Variants in DIDO1 observed in about 807,000 individuals in gnomAD.
DIDO1 encodes death inducer-obliterator 1, also known as death-inducer obliterator 1.
A neutral mutation model predicts 99.4 loss-of-function variants in DIDO1; 16 were observed. The observed-to-expected ratio is 0.16, with a 90% CI of 0.11 to 0.24. The LOEUF (loss-of-function observed/expected upper bound fraction) is 0.24. Among genes scored for constraint, DIDO1 ranks in the 10% least tolerant of loss-of-function variants. The pLI is 1.00. For synonymous variants in DIDO1, 1,366 were observed against 1,239.1 expected (o/e 1.10, Z -2.15); for missense variants, 2,996 against 3,014.0 (o/e 0.99, Z 0.14).
chr20:62,884,815 C>G (rs1458730609), intron 15 of DIDO1, among the ~76,000 whole-genome samples: 1 of 152,188 alleles, frequency 6.6e-6, no homozygotes, highest in African/African-American at 2.4e-5. Context: ...CTCCTCTTCA[C>G]TCTCTGTCCC....
intron 6 of DIDO1, among the ~76,000 whole-genome samples, chr20:62,898,620 T>TC (rs2064590275): frequency 6.6e-6 from 1 of 152,200 alleles, no homozygotes; most frequent in South Asian, 2.1e-4. Flanking sequence ...GGCCGGCCCC[T>TC]GCCTACCCCT....
rs540125630 is a variant in DIDO1, at chr20:62,894,380, G to C, written c.2572+33C>G. 6 of 1,600,958 alleles carry C rather than the reference G, an allele frequency of 3.7e-6. No homozygotes were observed. The highest frequency in any genetic ancestry group is 5.1e-6 in the Non-Finnish European group (6 of 1,174,692). On this transcript the variant is annotated intron_variant, in intron 11 of 15. Coordinates refer to ENST00000395343, the MANE Select transcript of DIDO1 (RefSeq NM_001193369.2). The surrounding 1 kb of genome is among the most constrained non-coding windows in gnomAD (Gnocchi z 4.4). ...TTTAACAAAATCAAGTTTAGTCTCA[G>C]CTCCAAGGCTCCATCCCCTGCACTG...
chr20:62,902,993 ATT>A (rs2064717313), intron 6 of DIDO1, among the ~76,000 whole-genome samples: 1 of 152,192 alleles, frequency 6.6e-6, no homozygotes, highest in Admixed American at 6.5e-5. Flanking sequence ...TCAGAAAAAC[ATT>A]TCCAACTGAC....
chr20:62,923,514 G>C (rs2065195325), intron 1 of DIDO1, among the ~76,000 whole-genome samples: 1 of 152,094 alleles, frequency 6.6e-6, no homozygotes, highest in African/African-American at 2.4e-5. Context: ...ATGCACAGCC[G>C]TGAGAAAAAC....
chr20:62,919,178 T>C (rs1384562797), intron 1 of DIDO1, among the ~76,000 whole-genome samples: 3 of 152,204 alleles, frequency 2.0e-5, no homozygotes, highest in Non-Finnish European at 2.9e-5. Flanking sequence ...TCTGACTCAA[T>C]TGCATAGATT....
At chr20:62,908,796 C>T (rs1201595814) in intron 4 of DIDO1, among the ~76,000 whole-genome samples, 1 of 152,178 alleles carries the variant, frequency 6.6e-6, no homozygotes, top group Non-Finnish European at 1.5e-5. Flanking sequence ...GAGATCGAGG[C>T]TGCAGTGAGC....
Position 62,909,733 on chromosome 20 carries a change from G to A in DIDO1, c.1127C>T (p.Pro376Leu). The part of the protein sequence containing the change: ...IKGRIEKAAN[P>L]SGKKKLKIFQ... ...GATCTTGAGTTTCTTCTTGCCACTT[G>A]GATTTGCAGCTTTCTCAATTCTACC... Residue 376 changes from proline (P) to leucine (L), a missense_variant, in exon 4 of 16, where the codon CCA (proline) becomes CTA (leucine). By Grantham distance (98) the Pro-to-Leu change is moderately conservative. Coordinates refer to ENST00000395343, the MANE Select transcript of DIDO1 (RefSeq NM_001193369.2). 6.2e-7 allele frequency: 1 copy of A among 1,613,832 alleles called. No individual in the cohort carries two copies. The highest frequency in any genetic ancestry group is 8.5e-7 in the Non-Finnish European group (1 of 1,179,732).
Position 62,895,056 on chromosome 20 carries a change from G to A in DIDO1, c.2324C>T (p.Ala775Val), listed in dbSNP as rs566821138. The stretch of plus-strand genomic sequence containing the variant: ...GTACCCCTCAGCACTCACAGATCTC[G>A]CTGGCCTCTCTTTCCACGTGGAAAG... ...KELSTWKERP[A>V]RSVMESRTKL... The change falls in exon 9 of 16, where the codon GCG (alanine) becomes GTG (valine). Residue 775 changes from alanine to valine, a missense_variant. Coordinates refer to ENST00000395343, the MANE Select transcript of DIDO1 (RefSeq NM_001193369.2). 19 of 1,606,638 alleles carry A rather than the reference G, an allele frequency of 1.2e-5. No homozygotes were observed. The highest frequency in any genetic ancestry group is 5.5e-5 in the South Asian group (5 of 90,974).
In DIDO1 at chr20:62,894,750, CA is replaced by C. The variant is rs142405262; in HGVS notation, c.2436+59del. 670 of 1,548,288 alleles carry C rather than the reference CA, an allele frequency of 4.3e-4. 2 individuals carry two copies. In the African/African-American group the frequency reaches 8.1e-3, roughly 19 times the overall value. ...CCTGCCCAATAATTTAAGATAACCT[CA>C]AAACATTTGGGATGGATTAGTCTAT... is the stretch of plus-strand genomic sequence containing the variant. On this transcript the variant is annotated intron_variant, in intron 10 of 15. Coordinates refer to ENST00000395343, the MANE Select transcript of DIDO1 (RefSeq NM_001193369.2). The surrounding 1 kb of genome is among the most constrained non-coding windows in gnomAD (Gnocchi z 4.4).
chr20:62,905,641 G>C, intron 6 of DIDO1: 2 of 1,564,304 alleles, frequency 1.3e-6, no homozygotes, highest in Non-Finnish European at 1.7e-6. Context: ...AATCATTAAG[G>C]TGAACGTTCA....
chr20:62,892,949 G>C lies in DIDO1; in HGVS notation c.3115C>G (p.Arg1039Gly), dbSNP rs143733192. Residue 1039 changes from arginine (R) to glycine (G), a missense_variant, in exon 13 of 16, where the codon CGT becomes GGT. Physicochemically the swap from Arg to Gly is moderately radical, Grantham distance 125 (BLOSUM62 -2). Transcript: ENST00000395343. The stretch of plus-strand genomic sequence containing the variant: ...GTCGTGTCTCCCTCTGGAGGGGAAC[G>C]TGATTCTGAAGTGCTGTAAAACAAA... ...PSPNISTSES[R>G]SPPEGDTTLF... 18 of 1,612,248 alleles carry C rather than the reference G, an allele frequency of 1.1e-5. No individual in the cohort carries two copies. In the South Asian group the frequency reaches 2.0e-4, roughly 18 times the overall value.
rs1340843375 is a variant in DIDO1 at position 62,895,802 on chromosome 20, G to T, written c.2214+431C>A. Among the ~76,000 whole-genome samples the T allele has an allele frequency of 2.6e-5, 4 of 152,286 alleles. No homozygotes were observed. The South Asian group carries it at 6.2e-4, about 24-fold the overall frequency. On this transcript the variant is annotated intron_variant, in intron 8 of 15. Coordinates refer to ENST00000395343, the MANE Select transcript of DIDO1 (RefSeq NM_001193369.2). ...CCTGCTCCAAGTGGTGAGAACTCAA[G>T]CAGCCCAAACCATCAGGCTCACTCG...
In DIDO1 at chr20:62,879,180, C is replaced by G. The variant is rs967680441; in HGVS notation, c.*53G>C. 5.0e-6 allele frequency: 7 copies of G among 1,407,362 alleles called. No individual in the cohort carries two copies. The highest frequency in any genetic ancestry group is 6.5e-6 in the Non-Finnish European group (7 of 1,080,168). 87.2% of individuals were successfully genotyped at this position (1,407,362 alleles called of 1,614,324 possible). ...GTGGCTATTTCAAAAGCTATTTGTT[C>G]AACGCATCTTACGAACGTGGCTTTA... On this transcript the variant is annotated 3_prime_UTR_variant, in exon 16 of 16. Transcript: ENST00000395343. This position sits in a 1 kb window ranked among gnomAD's most constrained non-coding sequence, Gnocchi z 6.3.
At chr20:62,924,826 T>C (rs73619440) in intron 1 of DIDO1, among the ~76,000 whole-genome samples, 31,004 of 152,070 alleles carry the variant, frequency 0.2, 3,408 homozygotes, top group East Asian at 0.33. Flanking sequence ...TGAGCTCTGC[T>C]TGACATAGTC....
chr20:62,907,965 C>T lies in DIDO1; in HGVS notation c.1162-606G>A, dbSNP rs117806346. Among the ~76,000 whole-genome samples the T allele has an allele frequency of 3.1e-3, 471 of 152,230 alleles. 10 individuals are homozygous for T. The East Asian group carries it at 0.052, about 17-fold the overall frequency. The stretch of plus-strand genomic sequence containing the variant: ...AATTTTTCAGTGTAAGTATGCCCCC[C>T]AAATTGCATGAAACATACTTTTTTT... On this transcript the variant is annotated intron_variant, in intron 4 of 15. Transcript: ENST00000395343.
chr20:62,908,046 C>CATAG (rs1341804067), intron 4 of DIDO1, among the ~76,000 whole-genome samples: 1 of 152,054 alleles, frequency 6.6e-6, no homozygotes, highest in African/African-American at 2.4e-5. Context: ...GTGGCACAAT[C>CATAG]ATAGCTCACT....
rs777152754 is a variant in DIDO1 at position 62,896,183 on chromosome 20, C to T, written c.2214+50G>A. ...AAAATATTGGTTGATCCCTTTAGCACCCAGCGAACAGAACAGGAATACTCC... is the reference window on the plus strand; with the variant it reads ...AAAATATTGGTTGATCCCTTTAGCATCCAGCGAACAGAACAGGAATACTCC... On this transcript the variant is annotated intron_variant, in intron 8 of 15. Coordinates refer to ENST00000395343, the MANE Select transcript of DIDO1 (RefSeq NM_001193369.2). The surrounding 1 kb of genome is among the most constrained non-coding windows in gnomAD (Gnocchi z 4.4). 1.9e-6 allele frequency: 3 copies of T among 1,558,308 alleles called. No homozygotes were observed. Among genetic ancestry groups the T allele is most frequent in the Non-Finnish European group, 2.6e-6 (3 of 1,147,352 alleles).
chr20:62,934,277 G>C (rs1282478118), intron 1 of DIDO1, among the ~76,000 whole-genome samples: 1 of 152,112 alleles, frequency 6.6e-6, no homozygotes, highest in Non-Finnish European at 1.5e-5. Context: ...TCTCCACAGA[G>C]ACTTCATGCA....
intron 1 of DIDO1, among the ~76,000 whole-genome samples, chr20:62,914,660 C>T (rs1316305106): frequency 1.3e-5 from 2 of 152,046 alleles, no homozygotes; most frequent in African/African-American, 2.4e-5. Context: ...CCAGGCTTGC[C>T]CCAGGGAGGC....
Sources: gnomAD v4.1 joint callset for allele counts (sites outside exome capture counted in the v4.1 genomes callset) on GRCh38, gnomAD v4.1.1 for gene constraint, Gnocchi (gnomAD v3.1) non-coding constraint, MANE v1.5 for transcripts, NCBI Gene and HGNC (gene_info 2026-07-23, HGNC 2026-07-21) for gene names.